TLL1: variants seen among roughly 807,000 people sequenced by gnomAD.
TLL1 encodes tolloid like 1, also known as tolloid-like protein 1.
TLL1 carries 49 observed loss-of-function variants against 128.2 expected under a neutral mutation model. The ratio of observed to expected loss-of-function variants is 0.38; its 90% CI spans 0.30 to 0.48. The LOEUF (loss-of-function observed/expected upper bound fraction) is 0.48. TLL1 is among the 20% of genes least tolerant of loss of function. The pLI is 0.96. For missense variants in TLL1, 1,123 were observed against 1,242.0 expected, an observed-to-expected ratio of 0.90 and a Z score of 1.44; for synonymous variants, 454 against 418.8, an observed-to-expected ratio of 1.08 and a Z score of -1.03.
At chr4:166,002,140 A>T (rs1274858659) in intron 5 of TLL1, among the ~76,000 whole-genome samples, 1 of 152,110 alleles carries the variant, frequency 6.6e-6, no homozygotes, top group Non-Finnish European at 1.5e-5. Flanking sequence ...GTGTCTGGTA[A>T]GGGCCTGCTC....
At chr4:165,980,436 A>G (rs10015178) in intron 1 of TLL1, among the ~76,000 whole-genome samples, 13,134 of 152,082 alleles carry the variant, frequency 0.086, 1,759 homozygotes, top group African/African-American at 0.29. Flanking sequence ...TAAATTAGTG[A>G]TCTCTTGTGA....
intron 17 of TLL1, among the ~76,000 whole-genome samples, chr4:166,075,425 G>T (rs1740978347): frequency 6.6e-6 from 1 of 152,096 alleles, no homozygotes; most frequent in Non-Finnish European, 1.5e-5. Flanking sequence ...TAAATACCAG[G>T]AGCATCAAAC....
At chr4:165,972,679 A>T (rs1735680037) in intron 1 of TLL1, among the ~76,000 whole-genome samples, 1 of 152,200 alleles carries the variant, frequency 6.6e-6, no homozygotes, top group Non-Finnish European at 1.5e-5. Context: ...GCATGTGACT[A>T]CAACCTTGAC....
chr4:165,967,162 C>T (rs1561061419), intron 1 of TLL1, among the ~76,000 whole-genome samples: 2 of 152,204 alleles, frequency 1.3e-5, no homozygotes, highest in East Asian at 1.9e-4. Context: ...TGACTCTGTT[C>T]TGTCTGGCCC....
rs759734407 is a variant in TLL1 at position 166,060,050 on chromosome 4, C to T, written c.1869C>T (p.Thr623=). The stretch of plus-strand genomic sequence containing the variant: ...TAGCTGCTTGTGGTGGACTTCTTAC[C>T]AAACTTAACGGCACCATAACCACCC... ...SCEAACGGLL[T]KLNGTITTPG... is the part of the protein sequence containing the mutation. Residue 623 remains threonine (T), a synonymous_variant, in exon 15 of 21, where the codon ACC becomes ACT. Transcript: ENST00000061240. The T allele has an allele frequency of 6.2e-7, 1 of 1,613,372 alleles. No homozygotes were observed. Among genetic ancestry groups the T allele is most frequent in the South Asian group, 1.1e-5 (1 of 91,074 alleles).
intron 1 of TLL1, among the ~76,000 whole-genome samples, chr4:165,955,550 C>A (rs1442683593): frequency 6.6e-6 from 1 of 152,044 alleles, no homozygotes; most frequent in Non-Finnish European, 1.5e-5. Flanking sequence ...AGAAAAGGGG[C>A]AGGCCATTTA....
At chr4:165,939,293 G>T (rs1733896173) in intron 1 of TLL1, among the ~76,000 whole-genome samples, 1 of 151,972 alleles carries the variant, frequency 6.6e-6, no homozygotes, top group Admixed American at 6.6e-5. Context: ...TCTTGATATG[G>T]GGCAGGAAAA....
intron 5 of TLL1, among the ~76,000 whole-genome samples, chr4:165,998,502 GA>G (rs1300991819): frequency 1.3e-5 from 2 of 152,168 alleles, no homozygotes; most frequent in African/African-American, 4.8e-5. Context: ...TATAAAAGTA[GA>G]TACTTTTGAG....
At position 166,095,237 on chromosome 4, in the gene TLL1, G is replaced by C. The variant is rs531678776; in HGVS notation, c.2656+3896G>C. 5.9e-5 allele frequency among the ~76,000 whole-genome samples: 9 copies of C among 152,148 alleles called. No homozygotes were observed. In the South Asian group the frequency reaches 1.9e-3, roughly 32 times the overall value. Reference sequence around the variant, plus strand: ...GATTAGAAATGTTGTAATGTGTAATGATGGCTGCTTTTCTTTACAAGTCAA... The same window carrying C: ...GATTAGAAATGTTGTAATGTGTAATCATGGCTGCTTTTCTTTACAAGTCAA... On this transcript the variant is annotated intron_variant, in intron 19 of 20. Coordinates refer to ENST00000061240, the MANE Select transcript of TLL1 (RefSeq NM_012464.5).
At position 166,100,972 on chromosome 4, in the gene TLL1, A is replaced by C; in HGVS notation, c.*96A>C. ...AGATATTGGCACAAATGTTTTATACAAAGAGTTTGAACAAAAAATCCCTGT... is the reference window on the plus strand; with the variant it reads ...AGATATTGGCACAAATGTTTTATACCAAGAGTTTGAACAAAAAATCCCTGT... On this transcript the variant is annotated 3_prime_UTR_variant, in exon 21 of 21. Transcript: ENST00000061240. 1 of 1,485,444 alleles carries C rather than the reference A, an allele frequency of 6.7e-7. No individual in the cohort carries two copies. The highest frequency in any genetic ancestry group is 9.1e-7 in the Non-Finnish European group (1 of 1,094,128). 92.0% of individuals were successfully genotyped at this position (1,485,444 alleles called of 1,614,324 possible). A position where few individuals can be genotyped will look rare whatever the true frequency, so the allele number is the denominator to read the frequency against.
At chr4:166,076,231 C>T (rs1172214490) in intron 17 of TLL1, among the ~76,000 whole-genome samples, 2 of 152,078 alleles carry the variant, frequency 1.3e-5, no homozygotes, top group Non-Finnish European at 2.9e-5. Flanking sequence ...CACCACCATG[C>T]CTGGCTAATT....
intron 19 of TLL1, among the ~76,000 whole-genome samples, chr4:166,096,137 C>T (rs1033811043): frequency 6.6e-6 from 1 of 151,254 alleles, no homozygotes; most frequent in African/African-American, 2.5e-5. Flanking sequence ...AAAATCACAC[C>T]TCTTTTGCAT....
At chr4:166,078,204 A>G (rs1445235523) in intron 18 of TLL1, among the ~76,000 whole-genome samples, 174 bp downstream of exon 18, 1 of 152,154 alleles carries the variant, frequency 6.6e-6, no homozygotes, top group South Asian at 2.1e-4. Flanking sequence ...TCCTAGATCA[A>G]GGTGACTGCC....
chr4:166,041,058 G>A (rs1439981922), intron 10 of TLL1, among the ~76,000 whole-genome samples: 1 of 152,146 alleles, frequency 6.6e-6, no homozygotes, highest in Non-Finnish European at 1.5e-5. Flanking sequence ...TTTATTTGCT[G>A]TAATTCATAT....
intron 1 of TLL1, among the ~76,000 whole-genome samples, chr4:165,880,169 T>C (rs1730913744): frequency 6.6e-6 from 1 of 152,226 alleles, no homozygotes; most frequent in Non-Finnish European, 1.5e-5. Flanking sequence ...TATTTCATTC[T>C]TGTCATTGTG....
At chr4:166,088,291 C>T (rs1476599560) in intron 18 of TLL1, among the ~76,000 whole-genome samples, 1 of 152,036 alleles carries the variant, frequency 6.6e-6, no homozygotes, top group Non-Finnish European at 1.5e-5. Context: ...ATTCATGGTT[C>T]AGCTTGTGTT....
At chr4:166,073,754 A>C (rs1740898194) in intron 16 of TLL1, among the ~76,000 whole-genome samples, 1 of 152,178 alleles carries the variant, frequency 6.6e-6, no homozygotes, top group Admixed American at 6.6e-5. Context: ...TCTTTGATGA[A>C]AATATCTTCC....
intron 18 of TLL1, among the ~76,000 whole-genome samples, chr4:166,087,080 C>A (rs1348027162): frequency 6.6e-6 from 1 of 152,108 alleles, no homozygotes; most frequent in African/African-American, 2.4e-5. Flanking sequence ...TTCTGAAAGA[C>A]TCTGATCATT....
chr4:166,021,081 A>T (rs1424681950), intron 8 of TLL1, among the ~76,000 whole-genome samples: 2 of 152,230 alleles, frequency 1.3e-5, no homozygotes, highest in Non-Finnish European at 2.9e-5. Flanking sequence ...ATTTAGCGTT[A>T]AAATGAATTA....
Sources: gnomAD v4.1 joint callset for allele counts (sites outside exome capture counted in the v4.1 genomes callset) on GRCh38, gnomAD v4.1.1 for gene constraint, MANE v1.5 for transcripts, NCBI Gene and HGNC (gene_info 2026-07-23, HGNC 2026-07-21) for gene names.